The following LRRTM4 variants were observed in gnomAD, a reference collection of about 807,000 sequenced individuals.
LRRTM4 encodes the protein leucine-rich repeat transmembrane neuronal protein 4.
A neutral mutation model predicts 47.6 loss-of-function variants in LRRTM4; 25 were observed. That is an observed-to-expected ratio of 0.53 (90% CI 0.38 to 0.73). The LOEUF is 0.73. LRRTM4 is among the 30% of genes least tolerant of loss of function. The pLI is 0.00. For synonymous variants in LRRTM4, 311 were observed against 269.5 expected, an observed-to-expected ratio of 1.15 and a Z score of -1.51; for missense variants, 638 against 713.4, an observed-to-expected ratio of 0.89 and a Z score of 1.20.
intron 3 of LRRTM4, among the ~76,000 whole-genome samples, chr2:77,416,717 G>T (rs1674647455): frequency 6.6e-6 from 1 of 150,780 alleles, no homozygotes; most frequent in Non-Finnish European, 1.5e-5. Flanking sequence ...AATAAAAAAA[G>T]GCTTCTTTCT....
At chr2:77,136,951 A>C (rs966428135) in intron 3 of LRRTM4, among the ~76,000 whole-genome samples, 1 of 151,956 alleles carries the variant, frequency 6.6e-6, no homozygotes, top group Admixed American at 6.5e-5. Context: ...AAATGAACAA[A>C]GCCTCCAAGA....
intron 3 of LRRTM4, among the ~76,000 whole-genome samples, chr2:76,987,753 T>C (rs1207583766): frequency 1.3e-5 from 2 of 151,822 alleles, no homozygotes; most frequent in African/African-American, 4.8e-5. Flanking sequence ...CATTATCCTG[T>C]AGATGCACTA....
chr2:76,976,968 A>T (rs890374738), intron 3 of LRRTM4, among the ~76,000 whole-genome samples: 2 of 151,428 alleles, frequency 1.3e-5, no homozygotes, highest in African/African-American at 4.9e-5. Flanking sequence ...TATGTACATT[A>T]TGTGTCAACT....
chr2:77,401,476 C>T, intron 3 of LRRTM4, among the ~76,000 whole-genome samples: 1 of 151,724 alleles, frequency 6.6e-6, no homozygotes, highest in African/African-American at 2.4e-5. Flanking sequence ...TATAATTTTC[C>T]TTATTTTATT....
At chr2:77,461,165 G>C (rs1676773362) in intron 3 of LRRTM4, among the ~76,000 whole-genome samples, 1 of 151,424 alleles carries the variant, frequency 6.6e-6, no homozygotes. Flanking sequence ...GAGAGAGAGA[G>C]AGAGTTCTAT....
intron 3 of LRRTM4, among the ~76,000 whole-genome samples, chr2:77,006,924 TCACATTGA>T (rs1677674002): frequency 6.6e-6 from 1 of 152,046 alleles, no homozygotes; most frequent in South Asian, 2.1e-4. Flanking sequence ...CTCTAGCCAA[TCACATTGA>T]CACAAACATC....
At chr2:76,911,899 A>G (rs1215376225) in intron 3 of LRRTM4, among the ~76,000 whole-genome samples, 2 of 138,630 alleles carry the variant, frequency 1.4e-5, no homozygotes, top group Non-Finnish European at 3.1e-5. Context: ...CCCTACTAAC[A>G]TGAATTACAA....
intron 3 of LRRTM4, among the ~76,000 whole-genome samples, chr2:76,977,365 A>G (rs1252086756): frequency 1.3e-5 from 2 of 151,872 alleles, no homozygotes; most frequent in African/African-American, 4.8e-5. Flanking sequence ...CAAACACCCA[A>G]AAACTTACCA....
intron 3 of LRRTM4, among the ~76,000 whole-genome samples, chr2:77,032,127 T>C (rs1678681203): frequency 6.6e-6 from 1 of 152,176 alleles, no homozygotes; most frequent in African/African-American, 2.4e-5. Context: ...ACTTCTATCC[T>C]TGCGCTTTCC....
chr2:76,832,794 T>C (rs1671391575), intron 3 of LRRTM4, among the ~76,000 whole-genome samples: 1 of 151,974 alleles, frequency 6.6e-6, no homozygotes, highest in Admixed American at 6.6e-5. Flanking sequence ...TATAAGTTTA[T>C]AGATATGAAT....
intron 3 of LRRTM4, among the ~76,000 whole-genome samples, chr2:77,239,080 T>C (rs1675190365): frequency 6.6e-6 from 1 of 151,668 alleles, no homozygotes; most frequent in Non-Finnish European, 1.5e-5. Context: ...TTAGAAATGG[T>C]CAAAATAGAA....
intron 3 of LRRTM4, among the ~76,000 whole-genome samples, chr2:77,250,198 G>A (rs2104011784): frequency 6.6e-6 from 1 of 152,246 alleles, no homozygotes; most frequent in African/African-American, 2.4e-5. Flanking sequence ...GTGCACAGAA[G>A]ATGTGTAGGG....
chr2:77,130,557 G>C (rs913349679), intron 3 of LRRTM4, among the ~76,000 whole-genome samples: 2 of 151,742 alleles, frequency 1.3e-5, no homozygotes, highest in Admixed American at 6.6e-5. Flanking sequence ...TGTTGCCCAG[G>C]CTGGAGTGCA....
intron 3 of LRRTM4, among the ~76,000 whole-genome samples, chr2:76,925,915 G>A (rs1033495255): frequency 6.6e-6 from 1 of 152,058 alleles, no homozygotes; most frequent in African/African-American, 2.4e-5. Flanking sequence ...TTTAAAAGTG[G>A]TATTCAATAT....
At chr2:77,417,069 G>T (rs573128362) in intron 3 of LRRTM4, among the ~76,000 whole-genome samples, 1 of 150,834 alleles carries the variant, frequency 6.6e-6, no homozygotes, top group Non-Finnish European at 1.5e-5. Flanking sequence ...CAACCCCATC[G>T]AAAAGTGGGC....
intron 3 of LRRTM4, among the ~76,000 whole-genome samples, chr2:77,084,089 G>T (rs943364944): frequency 6.6e-6 from 1 of 152,026 alleles, no homozygotes; most frequent in Non-Finnish European, 1.5e-5. Context: ...ACAGGTGTGA[G>T]CCACCATGCG....
rs1287043358 is a variant in LRRTM4, at chr2:77,337,060, T to C, written c.1551+181258A>G. Among the ~76,000 whole-genome samples, 22 of 152,144 alleles carry C rather than the reference T, an allele frequency of 1.4e-4. 1 individual carries two copies. The highest frequency in any genetic ancestry group is 1.4e-3 in the Admixed American group (22 of 15,256). ...AATCAATGCACAAAAATTAGTAGCA[T>C]TTCCATACACCAATAACATTCAAGC... On this transcript the variant is annotated intron_variant, in intron 3 of 3. Coordinates refer to ENST00000409884, the MANE Select transcript of LRRTM4 (RefSeq NM_001134745.3).
At chr2:76,924,797 C>G (rs1023939970) in intron 3 of LRRTM4, among the ~76,000 whole-genome samples, 2 of 151,996 alleles carry the variant, frequency 1.3e-5, no homozygotes, top group Admixed American at 6.6e-5. Context: ...CCTCAAATAT[C>G]TACCACCTGC....
intron 3 of LRRTM4, among the ~76,000 whole-genome samples, chr2:77,290,406 T>C (rs568467638): frequency 6.6e-6 from 1 of 151,696 alleles, no homozygotes; most frequent in Non-Finnish European, 1.5e-5. Flanking sequence ...GGGAAGGGTA[T>C]AGGGAGGGGA....
Sources: gnomAD v4.1 joint callset for allele counts (sites outside exome capture counted in the v4.1 genomes callset) on GRCh38, gnomAD v4.1.1 for gene constraint, MANE v1.5 for transcripts, NCBI Gene and HGNC (gene_info 2026-07-23, HGNC 2026-07-21) for gene names.